Variants in CYTH4 observed in about 807,000 individuals in gnomAD.
The protein encoded by CYTH4 is cytohesin 4, also known as cytohesin-4.
A neutral mutation model predicts 57.5 loss-of-function variants in CYTH4; 22 were observed. That is an observed-to-expected ratio of 0.38 (90% confidence interval 0.27 to 0.55). The LOEUF is 0.55. Ranked by LOEUF, CYTH4 falls within the 20% of genes least tolerant of loss-of-function variation. The pLI, the probability that CYTH4 is intolerant of heterozygous loss-of-function variation, is 0.74. For synonymous variants in CYTH4, 186 were observed against 206.5 expected, an observed-to-expected ratio of 0.90 and a Z score of 0.85; for missense variants, 420 against 535.6, an observed-to-expected ratio of 0.78 and a Z score of 2.13.
intron 7 of CYTH4, 59 bp from the exon 8 acceptor site, chr22:37,303,195 C>T (rs565486740): frequency 2.3e-5 from 37 of 1,602,414 alleles, no homozygotes; most frequent in Admixed American, 1.1e-4. Context: ...TGGAAGGGGC[C>T]GGGACAGAGG....
chr22:37,296,203 G>C (rs906300739), intron 4 of CYTH4, 138 bp downstream of exon 4: 3 of 925,034 alleles, frequency 3.2e-6, no homozygotes, highest in Non-Finnish European at 4.8e-6. Context: ...TGAGCATCTT[G>C]TCCAGTGCCC....
intron 9 of CYTH4, 93 bp downstream of exon 9, chr22:37,309,416 C>T: frequency 8.9e-7 from 1 of 1,129,722 alleles, no homozygotes; most frequent in Non-Finnish European, 1.3e-6. Flanking sequence ...CACAGGCCCC[C>T]AGCTGACACG....
intron 8 of CYTH4, among the ~76,000 whole-genome samples, chr22:37,308,860 G>A (rs561474995): frequency 3.7e-5 from 5 of 133,626 alleles, no homozygotes; most frequent in African/African-American, 8.2e-5. Flanking sequence ...GTGTGTGAAC[G>A]TGCATACATG....
rs780456860 is a variant in CYTH4, at chr22:37,309,373, G to A, written c.808+50G>A. ...GTCGCACACACACTCATGCACGCGCGGGCACACATCGTTGCATGCACACTC... is the reference window on the plus strand; with the variant it reads ...GTCGCACACACACTCATGCACGCGCAGGCACACATCGTTGCATGCACACTC... On this transcript the variant is annotated intron_variant, in intron 9 of 12. Transcript: ENST00000248901. The A allele has an allele frequency of 7.0e-5, 107 of 1,527,210 alleles. 1 individual carries two copies. Among genetic ancestry groups the A allele is most frequent in the Admixed American group, 4.4e-4 (26 of 59,528 alleles). The allele number at this position is 1,527,210 out of a possible 1,614,324, so 94.6% of individuals were successfully genotyped here. A position where few individuals can be genotyped will look rare whatever the true frequency, so the allele number is the denominator to read the frequency against.
Position 37,299,245 on chromosome 22 carries a change from G to A in CYTH4, c.373G>A (p.Val125Ile), listed in dbSNP as rs142730044. Reference protein sequence around the residue: ...LGERDPINLQVLQAFVDCHEF... With the variant: ...LGERDPINLQILQAFVDCHEF... ...CCCCAGGGATCCCATCAACCTGCAGGTCCTCCAGGCCTTCGTGGACTGCCA... is the reference window on the plus strand; with the variant it reads ...CCCCAGGGATCCCATCAACCTGCAGATCCTCCAGGCCTTCGTGGACTGCCA... Residue 125 changes from valine to isoleucine, a missense_variant, in exon 6 of 13, where the codon GTC (valine) becomes ATC (isoleucine). Coordinates refer to ENST00000248901, the MANE Select transcript of CYTH4 (RefSeq NM_013385.5). 8.4e-4 allele frequency: 1,360 copies of A among 1,614,052 alleles called. 3 individuals carry two copies. Among genetic ancestry groups the A allele is most frequent in the Non-Finnish European group, 1.0e-3 (1,215 of 1,179,978 alleles).
intron 4 of CYTH4, 161 bp downstream of exon 4, chr22:37,296,226 T>C: frequency 1.3e-6 from 1 of 758,246 alleles, no homozygotes; most frequent in Non-Finnish European, 2.1e-6. Context: ...TGGCCAGCTG[T>C]GGCTGGGCGC....
Position 37,303,348 on chromosome 22 carries a change from G to A in CYTH4, c.642G>A (p.Val214=). Residue 214 remains valine, a synonymous_variant, in exon 8 of 13, where the codon GTG becomes GTA. Transcript: ENST00000248901. The part of the protein sequence containing the change: ...VRDRPPFERF[V]SMNRGINNGS... The stretch of plus-strand genomic sequence containing the variant: ...ACAGGCCGCCTTTTGAGCGCTTTGT[G>A]TCCATGAACCGCGGCATCAACAATG... 17 of 1,614,162 alleles carry A rather than the reference G, an allele frequency of 1.1e-5. No individual in the cohort carries two copies. Among genetic ancestry groups the A allele is most frequent in the Non-Finnish European group, 1.4e-5 (16 of 1,180,010 alleles).
chr22:37,313,241 G>A (rs1010140699), intron 12 of CYTH4, among the ~76,000 whole-genome samples, 198 bp from the exon 13 acceptor site: 1 of 152,224 alleles, frequency 6.6e-6, no homozygotes, highest in Non-Finnish European at 1.5e-5. Context: ...CTCTGGCCCT[G>A]CCCATGGGAC....
intron 6 of CYTH4, chr22:37,300,118 T>C (rs1375834978): frequency 8.4e-6 from 6 of 717,496 alleles, no homozygotes; most frequent in Non-Finnish European, 1.6e-5. Context: ...CCACAGTGAG[T>C]GCTTAGTAAG....
intron 1 of CYTH4, among the ~76,000 whole-genome samples, chr22:37,285,653 G>A (rs892115907): frequency 6.6e-6 from 1 of 152,096 alleles, no homozygotes; most frequent in South Asian, 2.1e-4. Context: ...GGAGGTTGCA[G>A]TGAGCCGAGA....
chr22:37,297,629 G>A lies in CYTH4; in HGVS notation c.300G>A (p.Leu100=), dbSNP rs1177568020. Residue 100 remains leucine (L), a synonymous_variant, in exon 5 of 13, where the codon CTG becomes CTA. Coordinates refer to ENST00000248901, the MANE Select transcript of CYTH4 (RefSeq NM_013385.5). ...ACGTCCAGGACATTGCACGGTTCCT[G>A]TATAAAGGCGAGGGCCTCAACAAGA... ...TPDVQDIARF[L]YKGEGLNKTA... The A allele has an allele frequency of 1.2e-6, 2 of 1,614,020 alleles. No homozygotes were observed. Among genetic ancestry groups the A allele is most frequent in the Non-Finnish European group, 1.7e-6 (2 of 1,179,916 alleles).
rs566994823 is a variant in CYTH4, at chr22:37,311,329, T to C, written c.886-127T>C. On this transcript the variant is annotated intron_variant, in intron 10 of 12. Coordinates refer to ENST00000248901, the MANE Select transcript of CYTH4 (RefSeq NM_013385.5). The surrounding 1 kb of genome is among the most constrained non-coding windows in gnomAD (Gnocchi z 4.4). ...GCTGCTTCTAACTTCCGTCCCCCTA[T>C]GACTGGACAGTCTCGGAAGATGAGC... The C allele has an allele frequency of 4.0e-4, 349 of 874,130 alleles. No individual in the cohort carries two copies. The African/African-American group carries it at 5.3e-3, about 13-fold the overall frequency. 54.1% of individuals were successfully genotyped at this position (874,130 alleles called of 1,614,324 possible).
rs1166825833 is a variant in CYTH4, at chr22:37,311,363, C to T, written c.886-93C>T. 1.7e-6 allele frequency: 2 copies of T among 1,145,778 alleles called. No individual in the cohort carries two copies. Among genetic ancestry groups the T allele is most frequent in the East Asian group, 2.4e-5 (1 of 42,524 alleles). 71.0% of individuals were successfully genotyped at this position (1,145,778 alleles called of 1,614,324 possible). Reference sequence around the variant, plus strand: ...AGTCTCGGAAGATGAGCACGCTCCTCTTTGAGTTTGGGGAACCCCACACGT... The same window carrying T: ...AGTCTCGGAAGATGAGCACGCTCCTTTTTGAGTTTGGGGAACCCCACACGT... On this transcript the variant is annotated intron_variant, in intron 10 of 12. Transcript: ENST00000248901. This position sits in a 1 kb window ranked among gnomAD's most constrained non-coding sequence, Gnocchi z 4.4.
intron 1 of CYTH4, among the ~76,000 whole-genome samples, chr22:37,283,051 G>A (rs1337437964): frequency 1.3e-5 from 2 of 152,228 alleles, no homozygotes; most frequent in Non-Finnish European, 2.9e-5. Flanking sequence ...GGTGGACTCA[G>A]AAAAGTGACT....
At position 37,311,053 on chromosome 22, in the gene CYTH4, G is replaced by T. The variant is rs766992258; in HGVS notation, c.874G>T (p.Glu292Ter). The change falls in exon 10 of 13, where the codon GAG becomes TAG. Residue 292 changes from glutamate to a stop codon, truncating the protein, a stop_gained. Transcript: ENST00000248901. LOFTEE classifies it high-confidence loss of function. This position sits in a 1 kb window ranked among gnomAD's most constrained non-coding sequence, Gnocchi z 4.4. ...ILTDNCLYYFEFTTDKEPRGI... is the reference protein window; with the variant it reads ...ILTDNCLYYF ...GACCGACAACTGCCTCTACTACTTC[G>T]AGTTCACCACTGTGAGCAGGGTTCT... 1 of 1,614,166 alleles carries T rather than the reference G, an allele frequency of 6.2e-7. No individual in the cohort carries two copies. The highest frequency in any genetic ancestry group is 1.1e-5 in the South Asian group (1 of 91,078).
At chr22:37,309,141 C>T (rs1352701228) in intron 8 of CYTH4, 71 bp from the exon 9 acceptor site, 17 of 1,389,312 alleles carry the variant, frequency 1.2e-5, no homozygotes, top group South Asian at 3.6e-5. Flanking sequence ...GCCACACAGG[C>T]CAGGCCAGGC....
At chr22:37,310,020 G>A (rs1191361971) in intron 9 of CYTH4, 3 of 468,984 alleles carry the variant, frequency 6.4e-6, no homozygotes, top group Non-Finnish European at 4.4e-6. Flanking sequence ...CGGGGACAGC[G>A]CCTCCAGGGC....
At chr22:37,297,527 G>A (rs1226669348) in intron 4 of CYTH4, 37 bp from the exon 5 acceptor site, 1 of 1,587,672 alleles carries the variant, frequency 6.3e-7, no homozygotes. Flanking sequence ...CTGCTTCCAT[G>A]CAGCAGCTGC....
intron 5 of CYTH4, 73 bp downstream of exon 5, chr22:37,297,755 G>C: frequency 4.6e-6 from 6 of 1,291,380 alleles, no homozygotes; most frequent in African/African-American, 1.5e-5. Flanking sequence ...TGGATGTGCA[G>C]GTGAGAGGAT....
Sources: allele counts gnomAD v4.1 joint callset (sites outside exome capture counted in the v4.1 genomes callset), GRCh38; gene constraint gnomAD v4.1.1; non-coding constraint Gnocchi (gnomAD v3.1); transcripts MANE v1.5; gene names NCBI Gene and HGNC (gene_info 2026-07-23, HGNC 2026-07-21).